The following SEC24C variants were observed in gnomAD, a reference collection of about 807,000 sequenced individuals.
SEC24C encodes the protein protein transport protein Sec24C.
SEC24C carries 22 observed loss-of-function variants against 117.0 expected under a neutral mutation model. The observed-to-expected ratio is 0.19, with a 90% CI of 0.13 to 0.27. The LOEUF is 0.27. SEC24C is among the 10% of genes least tolerant of loss of function. The probability of loss-of-function intolerance (pLI) is 1.00; values close to 1 mark genes in which losing one functional copy is unlikely to be tolerated. For synonymous variants in SEC24C, 506 were observed against 529.4 expected (o/e 0.96, Z 0.61); for missense variants, 1,155 against 1,375.1 (o/e 0.84, Z 2.53).
intron 8 of SEC24C, among the ~76,000 whole-genome samples, chr10:73,764,913 C>T (rs1435714961): frequency 6.6e-6 from 1 of 152,208 alleles, no homozygotes; most frequent in African/African-American, 2.4e-5. Flanking sequence ...CCGTCTTTCT[C>T]TGTGTGTTTG....
In SEC24C at chr10:73,767,956, T is replaced by C. The variant is rs778252952; in HGVS notation, c.2130T>C (p.Ser710=). 3 of 1,613,540 alleles carry C rather than the reference T, an allele frequency of 1.9e-6. No individual in the cohort carries two copies. The highest frequency in any genetic ancestry group is 2.5e-6 in the Non-Finnish European group (3 of 1,179,882). Residue 710 remains serine (S), a synonymous_variant, in exon 15 of 23, where the codon TCT becomes TCC. Transcript: ENST00000345254. ...AGTATGTGGATGTGGCCACACTCTC[T>C]GTTGTGCCCCAGCTCACTGGTGGCT... ...PNQYVDVATL[S]VVPQLTGGSV...
At chr10:73,747,599 G>A (rs1366080629) in intron 2 of SEC24C, among the ~76,000 whole-genome samples, 3 of 150,336 alleles carry the variant, frequency 2.0e-5, no homozygotes, top group Non-Finnish European at 4.4e-5. Flanking sequence ...TGATCTGCCC[G>A]CCTCAGCCTC....
rs2306326 is a variant in SEC24C at position 73,746,646 on chromosome 10, T to C, written c.-28-159T>C. 17 of 488,218 alleles carry C rather than the reference T, an allele frequency of 3.5e-5. No individual in the cohort carries two copies. In the East Asian group the frequency reaches 5.7e-4, roughly 16 times the overall value. 30.2% of individuals were successfully genotyped at this position (488,218 alleles called of 1,614,324 possible). ...TGCTTTTAGGAGATAATCTGAATGC[T>C]GGCTGGGGCAGAAAATTACTAAGAT... On this transcript the variant is annotated intron_variant, in intron 1 of 22. Coordinates refer to ENST00000345254, the MANE Select transcript of SEC24C (RefSeq NM_198597.3).
intron 6 of SEC24C, 42 bp downstream of exon 6, chr10:73,760,891 T>C (rs1314317898): frequency 6.4e-7 from 1 of 1,552,218 alleles, no homozygotes; most frequent in East Asian, 2.3e-5. Flanking sequence ...GGTTTGTGTC[T>C]GCCAGATAGG....
chr10:73,769,249 G>A lies in SEC24C; in HGVS notation c.2424+97G>A. 1 of 1,586,140 alleles carries A rather than the reference G, an allele frequency of 6.3e-7. No individual in the cohort carries two copies. Among genetic ancestry groups the A allele is most frequent in the Non-Finnish European group, 8.6e-7 (1 of 1,164,544 alleles). On this transcript the variant is annotated intron_variant, in intron 17 of 22. Coordinates refer to ENST00000345254, the MANE Select transcript of SEC24C (RefSeq NM_198597.3). The surrounding 1 kb of genome is among the most constrained non-coding windows in gnomAD (Gnocchi z 4.5). ...TAGAGAGCACTAAAAGAAGAGACAG[G>A]GCACGGGAGTGGCTCATTTCTCTCT...
At chr10:73,756,802 T>A (rs2082716177) in intron 3 of SEC24C, among the ~76,000 whole-genome samples, 1 of 151,884 alleles carries the variant, frequency 6.6e-6, no homozygotes, top group Non-Finnish European at 1.5e-5. Flanking sequence ...GGTTTCACCA[T>A]GTTGGCCAGG....
chr10:73,763,070 T>A (rs2082821670), intron 6 of SEC24C, among the ~76,000 whole-genome samples: 1 of 152,230 alleles, frequency 6.6e-6, no homozygotes, highest in African/African-American at 2.4e-5. Flanking sequence ...GTTGTCTGTT[T>A]TCCTGCTCTG....
chr10:73,744,920 T>G (rs2082522993), intron 1 of SEC24C, among the ~76,000 whole-genome samples: 1 of 152,128 alleles, frequency 6.6e-6, no homozygotes, highest in African/African-American at 2.4e-5. Context: ...GAGAAGAAGC[T>G]CCTTTCTTTA....
Position 73,746,886 on chromosome 10 carries a change from C to T in SEC24C, c.54C>T (p.Pro18=), listed in dbSNP as rs746934485. 1.2e-6 allele frequency: 2 copies of T among 1,613,546 alleles called. No homozygotes were observed. Among genetic ancestry groups the T allele is most frequent in the Admixed American group, 1.7e-5 (1 of 59,946 alleles). Residue 18 remains proline (P), a synonymous_variant, in exon 2 of 23, where the codon CCC becomes CCT. Coordinates refer to ENST00000345254, the MANE Select transcript of SEC24C (RefSeq NM_198597.3). ...TGCCACCATTTGGGCAGCCCCAGCCCATCTACCCAGGGTATCATCAGTCCA... is the reference window on the plus strand; with the variant it reads ...TGCCACCATTTGGGCAGCCCCAGCCTATCTACCCAGGGTATCATCAGTCCA... The part of the protein sequence containing the change: ...PPVPPFGQPQ[P]IYPGYHQSSY...
chr10:73,762,608 T>TA (rs1239075563), intron 6 of SEC24C, among the ~76,000 whole-genome samples: 1 of 152,238 alleles, frequency 6.6e-6, no homozygotes, highest in Non-Finnish European at 1.5e-5. Context: ...TGGCATTTCT[T>TA]ACAGGAGAAG....
chr10:73,771,331 G>A lies in SEC24C; in HGVS notation c.*236G>A. 1.9e-6 allele frequency: 1 copy of A among 534,320 alleles called. No homozygotes were observed. The highest frequency in any genetic ancestry group is 2.3e-5 in the South Asian group (1 of 43,614). 33.1% of individuals were successfully genotyped at this position (534,320 alleles called of 1,614,324 possible). A position where few individuals can be genotyped will look rare whatever the true frequency, so the allele number is the denominator to read the frequency against. On this transcript the variant is annotated 3_prime_UTR_variant, in exon 23 of 23. Transcript: ENST00000345254. Reference sequence around the variant, plus strand: ...CTACCCTCTTTTTCCTGCTAATCCTGTCATAATGAATGTAGCTTCTCAGTT... The same window carrying A: ...CTACCCTCTTTTTCCTGCTAATCCTATCATAATGAATGTAGCTTCTCAGTT...
At chr10:73,757,810 G>A (rs1018363383) in intron 3 of SEC24C, among the ~76,000 whole-genome samples, 5 of 150,758 alleles carry the variant, frequency 3.3e-5, no homozygotes, top group Non-Finnish European at 7.4e-5. Flanking sequence ...TACTTGGGAG[G>A]GGAGGCTTAG....
rs780533420 is a variant in SEC24C, at chr10:73,760,733, G to A, written c.871G>A (p.Gly291Ser). The change falls in exon 6 of 23, where the codon GGC (glycine) becomes AGC (serine). Residue 291 changes from glycine to serine, a missense_variant. By Grantham distance (56) the Gly-to-Ser change is moderately conservative. Transcript: ENST00000345254. ...QQNGSFGPAR[G>S]PQSNYGGPYP... ...CTCAGGTTCCTTCGGACCAGCCCGG[G>A]GCCCTCAGTCTAATTATGGAGGCCC... 9.9e-6 allele frequency: 16 copies of A among 1,610,532 alleles called. No individual in the cohort carries two copies.
rs993939431 is a variant in SEC24C, at chr10:73,772,007, G to A, written c.*912G>A. The stretch of plus-strand genomic sequence containing the variant: ...TGACAGTTATCTTCCAACCCCAACT[G>A]GCTTGGGGGCAGGACAAGGGCTAGG... On this transcript the variant is annotated 3_prime_UTR_variant, in exon 23 of 23. Transcript: ENST00000345254. 3.5e-6 allele frequency: 1 copy of A among 284,722 alleles called. No homozygotes were observed. Among genetic ancestry groups the A allele is most frequent in the Non-Finnish European group, 6.5e-6 (1 of 153,216 alleles). 17.6% of individuals were successfully genotyped at this position (284,722 alleles called of 1,614,324 possible). A position where few individuals can be genotyped will look rare whatever the true frequency, so the allele number is the denominator to read the frequency against.
At chr10:73,766,911 C>T in intron 13 of SEC24C, 58 bp downstream of exon 13, 2 of 1,509,432 alleles carry the variant, frequency 1.3e-6, no homozygotes, top group Non-Finnish European at 1.8e-6. Context: ...ACCATCTTAT[C>T]CCCTGGGATA....
intron 3 of SEC24C, among the ~76,000 whole-genome samples, chr10:73,754,044 C>T (rs1288048123): frequency 2.0e-5 from 3 of 151,984 alleles, no homozygotes; most frequent in Non-Finnish European, 4.4e-5. Context: ...CCAGTATAGC[C>T]CAGGGAAGCC....
At chr10:73,763,706 T>TTTTTTTAAAAAAA in intron 7 of SEC24C, 105 bp downstream of exon 7, 1 of 681,258 alleles carries the variant, frequency 1.5e-6, no homozygotes, top group Non-Finnish European at 2.2e-6. Context: ...TTTTAGTTTT[T>TTTTTTTAAAAAAA]AACCAGAGAC....
intron 2 of SEC24C, among the ~76,000 whole-genome samples, chr10:73,747,655 ATTTTTTTTTT>A (rs774177202): frequency 1.2e-5 from 1 of 84,024 alleles, no homozygotes; most frequent in Non-Finnish European, 2.4e-5. Context: ...CCTGGCCTGT[ATTTTTTTTTT>A]TTTTTTTTTT....
Position 73,765,881 on chromosome 10 carries a change from C to G in SEC24C, c.1448C>G (p.Ser483Cys), listed in dbSNP as rs751505979. ...GACCGCCCTGAGCTATCCCTGGGCTCTTATGAATTCTTGGCCACTGTAGAT... is the reference window on the plus strand; with the variant it reads ...GACCGCCCTGAGCTATCCCTGGGCTGTTATGAATTCTTGGCCACTGTAGAT... ...AYDRPELSLG[S>C]YEFLATVDYC... Residue 483 changes from serine to cysteine, a missense_variant, in exon 10 of 23, where the codon TCT (serine) becomes TGT (cysteine). Physicochemically the swap from Ser to Cys is moderately radical, Grantham distance 112 (BLOSUM62 -1). This residue lies in a region of SEC24C where 759 missense variants were observed against 992.3 expected (regional missense o/e 0.76). Coordinates refer to ENST00000345254, the MANE Select transcript of SEC24C (RefSeq NM_198597.3). The G allele has an allele frequency of 2.5e-5, 40 of 1,613,850 alleles. No individual in the cohort carries two copies. Among genetic ancestry groups the G allele is most frequent in the Non-Finnish European group, 3.2e-5 (38 of 1,179,948 alleles).
Sources: gnomAD v4.1 joint callset for allele counts (sites outside exome capture counted in the v4.1 genomes callset) on GRCh38, gnomAD v4.1.1 for gene constraint, gnomAD v4.1.1 regional missense constraint, Gnocchi (gnomAD v3.1) non-coding constraint, MANE v1.5 for transcripts, NCBI Gene and HGNC (gene_info 2026-07-23, HGNC 2026-07-21) for gene names.